JAZF1: variants seen among roughly 807,000 people sequenced by gnomAD.
The protein encoded by JAZF1 is juxtaposed with another zinc finger protein 1.
In JAZF1, 8 loss-of-function variants were observed where a neutral mutation model predicts 26.4. The observed-to-expected ratio is 0.30, with a 90% CI of 0.18 to 0.55. The LOEUF is 0.55. JAZF1 is among the 20% of genes least tolerant of loss of function. The pLI, the probability that JAZF1 is intolerant of heterozygous loss-of-function variation, is 0.94. For missense variants in JAZF1, 199 were observed against 322.0 expected (o/e 0.62, Z 2.92); for synonymous variants, 126 against 122.3 (o/e 1.03, Z -0.20).
At chr7:27,957,647 C>A (rs1785121159) in intron 2 of JAZF1, among the ~76,000 whole-genome samples, 1 of 152,216 alleles carries the variant, frequency 6.6e-6, no homozygotes, top group Non-Finnish European at 1.5e-5. Context: ...TTTTAAGACA[C>A]TATCTTGCAA....
At chr7:27,908,406 A>G (rs1475110219) in intron 2 of JAZF1, among the ~76,000 whole-genome samples, 1 of 152,232 alleles carries the variant, frequency 6.6e-6, no homozygotes, top group Non-Finnish European at 1.5e-5. Context: ...GGGCATCTCA[A>G]GCTTACAGAC....
At chr7:27,913,294 T>C in intron 2 of JAZF1, 1 of 278,762 alleles carries the variant, frequency 3.6e-6, no homozygotes, top group South Asian at 3.5e-5. Context: ...TATATATATT[T>C]GTGTGTGTGT....
intron 1 of JAZF1, among the ~76,000 whole-genome samples, chr7:28,044,140 G>A (rs933029002): frequency 3.3e-5 from 5 of 152,058 alleles, no homozygotes; most frequent in Admixed American, 6.6e-5. Context: ...TGAATAGTAC[G>A]CTATGTGAAC....
At chr7:27,912,486 T>A (rs1469974086) in intron 2 of JAZF1, among the ~76,000 whole-genome samples, 1 of 152,094 alleles carries the variant, frequency 6.6e-6, no homozygotes, top group Admixed American at 6.5e-5. Flanking sequence ...TATCGAACGA[T>A]AGGAGTCCGA....
At chr7:28,131,909 T>C (rs940070208) in intron 1 of JAZF1, among the ~76,000 whole-genome samples, 5 of 152,166 alleles carry the variant, frequency 3.3e-5, no homozygotes, top group African/African-American at 1.2e-4. Flanking sequence ...CAATGGAAAA[T>C]GCAACGCACA....
At position 27,954,239 on chromosome 7, in the gene JAZF1, T is replaced by C. The variant is rs149347920; in HGVS notation, c.188+37670A>G. ...TTAGTGAGGTCCATGGTGCTTCTTCTTCCTGCTGCCTTTCACTATTTCCTG... is the reference window on the plus strand; with the variant it reads ...TTAGTGAGGTCCATGGTGCTTCTTCCTCCTGCTGCCTTTCACTATTTCCTG... On this transcript the variant is annotated intron_variant, in intron 2 of 4. Coordinates refer to ENST00000283928, the MANE Select transcript of JAZF1 (RefSeq NM_175061.4). Among the ~76,000 whole-genome samples, 576 of 152,322 alleles carry C rather than the reference T, an allele frequency of 3.8e-3. 2 individuals are homozygous for C. The highest frequency in any genetic ancestry group is 0.013 in the African/African-American group (546 of 41,558).
Position 27,860,240 on chromosome 7 carries a change from GAACTT to G in JAZF1, c.386-19378_386-19374del, listed in dbSNP as rs552748795. Reference sequence around the variant, plus strand: ...TTTTGTGATCAGAAATATGCTGTAGGAACTTAACTTCTCTTTGTATAAATTAGCCT... The same window carrying G: ...TTTTGTGATCAGAAATATGCTGTAGGAACTTCTCTTTGTATAAATTAGCCT... On this transcript the variant is annotated intron_variant, in intron 3 of 4. Transcript: ENST00000283928. 2.0e-4 allele frequency among the ~76,000 whole-genome samples: 30 copies of G among 152,238 alleles called. No individual in the cohort carries two copies. The East Asian group carries it at 5.2e-3, about 26-fold the overall frequency.
rs543564521 is a variant in JAZF1, at chr7:28,176,235, A to G, written c.115+4228T>C. 1.5e-3 allele frequency among the ~76,000 whole-genome samples: 225 copies of G among 152,374 alleles called. 1 individual carries two copies. Among genetic ancestry groups the G allele is most frequent in the African/African-American group, 5.2e-3 (217 of 41,588 alleles). On this transcript the variant is annotated intron_variant, in intron 1 of 4. Transcript: ENST00000283928. ...TGGGCCCTTGCAGGGAAATGTTTCA[A>G]TAGCAAAGCTGAGGATCCTAACATC...
intron 2 of JAZF1, among the ~76,000 whole-genome samples, chr7:27,898,266 A>AG (rs1416255017): frequency 1.4e-5 from 2 of 141,966 alleles, no homozygotes; most frequent in Non-Finnish European, 3.0e-5. Context: ...AGAGAGAGAA[A>AG]GGCTTCTCTA....
intron 3 of JAZF1, among the ~76,000 whole-genome samples, chr7:27,862,356 C>T (rs896831073): frequency 3.4e-4 from 52 of 152,034 alleles, no homozygotes; most frequent in African/African-American, 1.2e-3. Flanking sequence ...TGTCCCCTCC[C>T]GCCTCCCCCG....
At chr7:28,093,814 T>C (rs1253149627) in intron 1 of JAZF1, among the ~76,000 whole-genome samples, 2 of 152,198 alleles carry the variant, frequency 1.3e-5, no homozygotes, top group Admixed American at 1.3e-4. Flanking sequence ...TCAAATGCTG[T>C]AGCGCCCCCC....
At chr7:27,899,009 G>A (rs571081986) in intron 2 of JAZF1, among the ~76,000 whole-genome samples, 1 of 152,172 alleles carries the variant, frequency 6.6e-6, no homozygotes, top group East Asian at 1.9e-4. Context: ...AAACGCTGTG[G>A]GAACCCTGGT....
rs147478753 is a variant in JAZF1 at position 27,831,772 on chromosome 7, G to A, written c.*1028C>T. ...TAACAAAAGTGTTCATCTTTGAAAC[G>A]TGCTTAGAATTTTAGTTCTGATTTG... On this transcript the variant is annotated 3_prime_UTR_variant, in exon 5 of 5. Transcript: ENST00000283928. The A allele has an allele frequency of 5.3e-4, 118 of 222,972 alleles. 1 individual carries two copies. Among genetic ancestry groups the A allele is most frequent in the Middle Eastern group, 1.4e-3 (1 of 710 alleles). The allele number at this position is 222,972 out of a possible 1,614,324, so 13.8% of individuals were successfully genotyped here. A position where few individuals can be genotyped will look rare whatever the true frequency, so the allele number is the denominator to read the frequency against.
intron 1 of JAZF1, among the ~76,000 whole-genome samples, chr7:28,114,887 T>TGAAAGGACATTCCAAACA (rs1562592385): frequency 6.7e-6 from 1 of 150,118 alleles, no homozygotes; most frequent in African/African-American, 2.5e-5. Flanking sequence ...AAAATGGGGG[T>TGAAAGGACATTCCAAACA]GAAAGGACAT....
chr7:28,060,963 G>A (rs1783788139), intron 1 of JAZF1, among the ~76,000 whole-genome samples: 1 of 152,196 alleles, frequency 6.6e-6, no homozygotes, highest in Non-Finnish European at 1.5e-5. Context: ...TGATCCTGCA[G>A]GCAGTATGAT....
At chr7:27,888,445 T>G (rs1016735333) in intron 3 of JAZF1, among the ~76,000 whole-genome samples, 4 of 151,746 alleles carry the variant, frequency 2.6e-5, no homozygotes, top group African/African-American at 9.8e-5. Context: ...CCTATTTAAG[T>G]TTATTTTGCT....
At chr7:28,148,288 C>T (rs974449440) in intron 1 of JAZF1, among the ~76,000 whole-genome samples, 7 of 152,160 alleles carry the variant, frequency 4.6e-5, no homozygotes, top group East Asian at 1.9e-4. Flanking sequence ...CCAGGCTGGT[C>T]TCCATCTCCT....
intron 1 of JAZF1, among the ~76,000 whole-genome samples, chr7:28,049,895 A>G (rs1302462324): frequency 2.0e-5 from 3 of 152,158 alleles, no homozygotes; most frequent in African/African-American, 4.8e-5. Flanking sequence ...AAGCTCTCAG[A>G]GCCCCATGCT....
At chr7:27,852,519 G>A (rs1231434093) in intron 3 of JAZF1, among the ~76,000 whole-genome samples, 1 of 151,942 alleles carries the variant, frequency 6.6e-6, no homozygotes, top group African/African-American at 2.4e-5. Context: ...CTTTTCTCAG[G>A]GCACACGGCC....
Sources: gnomAD v4.1 joint callset for allele counts (sites outside exome capture counted in the v4.1 genomes callset) on GRCh38, gnomAD v4.1.1 for gene constraint, MANE v1.5 for transcripts, NCBI Gene and HGNC (gene_info 2026-07-23, HGNC 2026-07-21) for gene names.